CCZ1: variants seen among roughly 807,000 people sequenced by gnomAD.
The protein encoded by CCZ1 is vacuolar fusion protein CCZ1 homolog.
Under a neutral mutation model 57.8 loss-of-function variants are expected in CCZ1, and 19 were observed. The observed-to-expected ratio is 0.33, with a 90% CI of 0.23 to 0.48. The LOEUF is 0.48. Among genes scored for constraint, CCZ1 ranks in the 20% least tolerant of loss-of-function variants. The pLI, the probability that CCZ1 is intolerant of heterozygous loss-of-function variation, is 0.99. For missense variants in CCZ1, 200 were observed against 492.0 expected (o/e 0.41, Z 5.61); for synonymous variants, 81 against 167.0 (o/e 0.49, Z 3.97).
At chr7:5,908,457 C>G (rs1249203369) in intron 7 of CCZ1, among the ~76,000 whole-genome samples, 2 of 148,352 alleles carry the variant, frequency 1.3e-5, no homozygotes, top group African/African-American at 5.0e-5. Context: ...CAGCTCACTT[C>G]AACCTGCGCC....
intron 1 of CCZ1, among the ~76,000 whole-genome samples, chr7:5,899,328 G>C (rs1781622369): frequency 4.9e-5 from 1 of 20,572 alleles, no homozygotes; most frequent in Non-Finnish European, 9.5e-5. Context: ...TTAATTTCGG[G>C]AGGGGGGTGT....
At chr7:5,910,138 C>T (rs531770534) in intron 8 of CCZ1, 22 bp downstream of exon 8, 100 of 1,582,566 alleles carry the variant, frequency 6.3e-5, no homozygotes, top group Middle Eastern at 5.0e-4. Flanking sequence ...ACCATAGCTG[C>T]GCACAATTAC....
At position 5,905,343 on chromosome 7, in the gene CCZ1, C is replaced by A. The variant is rs558555860; in HGVS notation, c.698+74C>A. ...AAAACAGCAGTGACTGGATTGATGACAGGTTGTCAAACAGGAACTTGCAGC... is the reference window on the plus strand; with the variant it reads ...AAAACAGCAGTGACTGGATTGATGAAAGGTTGTCAAACAGGAACTTGCAGC... On this transcript the variant is annotated intron_variant, in intron 7 of 14. Transcript: ENST00000325974. 3.8e-4 allele frequency: 328 copies of A among 857,586 alleles called. 11 individuals carry two copies. In the African/African-American group the frequency reaches 5.7e-3, roughly 15 times the overall value. The allele number at this position is 857,586 out of a possible 1,614,324, so 53.1% of individuals were successfully genotyped here. A position where few individuals can be genotyped will look rare whatever the true frequency, so the allele number is the denominator to read the frequency against.
chr7:5,912,619 T>G (rs1583188181), intron 9 of CCZ1, among the ~76,000 whole-genome samples: 1 of 150,018 alleles, frequency 6.7e-6, no homozygotes, highest in African/African-American at 2.5e-5. Flanking sequence ...AGGCTGCCCT[T>G]GAACTCCTGA....
rs1781674652 is a variant in CCZ1, at chr7:5,901,017, C to G, written c.390+85C>G. 8 of 743,576 alleles carry G rather than the reference C, an allele frequency of 1.1e-5. No individual in the cohort carries two copies. The East Asian group carries it at 2.3e-4, about 22-fold the overall frequency. The allele number at this position is 743,576 out of a possible 1,614,324, so 46.1% of individuals were successfully genotyped here. A position where few individuals can be genotyped will look rare whatever the true frequency, so the allele number is the denominator to read the frequency against. On this transcript the variant is annotated intron_variant, in intron 4 of 14. Transcript: ENST00000325974. ...AATGCCTTACTTGGTCGGATTTAAA[C>G]TAGGAGGCTTTTGCAGAAGTTTCTC...
intron 12 of CCZ1, among the ~76,000 whole-genome samples, chr7:5,920,622 C>T (rs1404755747): frequency 7.2e-6 from 1 of 138,356 alleles, no homozygotes; most frequent in East Asian, 2.0e-4. Context: ...CAGGCGTGCA[C>T]CACCATGCCC....
Position 5,902,743 on chromosome 7 carries a change from G to A in CCZ1, c.521G>A (p.Arg174Gln), listed in dbSNP as rs767016439. The change falls in exon 6 of 15, where the codon CGG becomes CAG. Residue 174 changes from arginine to glutamine, a missense_variant and splice_region_variant. By Grantham distance (43) the Arg-to-Gln change is conservative (BLOSUM62 1). Transcript: ENST00000325974. The part of the protein sequence containing the change: ...LKERLEKFFH[R>Q]YLQTLHLQSC... Reference sequence around the variant, plus strand: ...GAAAGATTAGAGAAATTCTTCCATCGGGTAAGTATTTTGAATTTCATTTAT... The same window carrying A: ...GAAAGATTAGAGAAATTCTTCCATCAGGTAAGTATTTTGAATTTCATTTAT... The A allele has an allele frequency of 2.8e-5, 45 of 1,591,738 alleles. No homozygotes were observed. The highest frequency in any genetic ancestry group is 3.5e-5 in the Admixed American group (2 of 56,584).
At chr7:5,902,084 A>G (rs1370842373) in intron 5 of CCZ1, 1 of 220,046 alleles carries the variant, frequency 4.5e-6, no homozygotes, top group Non-Finnish European at 8.9e-6. Flanking sequence ...GCTTGAGCCC[A>G]GGAGTTCAGG....
chr7:5,915,067 C>T (rs1010678096), intron 10 of CCZ1, among the ~76,000 whole-genome samples: 2 of 147,492 alleles, frequency 1.4e-5, no homozygotes, highest in Non-Finnish European at 1.5e-5. Context: ...TGATAAGGCT[C>T]TTCAGGTCTG....
rs182231264 is a variant in CCZ1 at position 5,903,251 on chromosome 7, T to G, written c.522+507T>G. On this transcript the variant is annotated intron_variant, in intron 6 of 14. Coordinates refer to ENST00000325974, the MANE Select transcript of CCZ1 (RefSeq NM_015622.6). ...CTGTCCTCTTTCGTTGTAATTGAAT[T>G]TTGCATGTTTCACCCTACCTTGTCA... Among the ~76,000 whole-genome samples, 7 of 144,726 alleles carry G rather than the reference T, an allele frequency of 4.8e-5. 1 individual carries two copies. The highest frequency in any genetic ancestry group is 9.0e-5 in the Non-Finnish European group (6 of 66,768). 94.9% of individuals were successfully genotyped at this position (144,726 alleles called of 152,430 possible). A position where few individuals can be genotyped will look rare whatever the true frequency, so the allele number is the denominator to read the frequency against.
At position 5,901,498 on chromosome 7, in the gene CCZ1, AAAG is replaced by A. The variant is rs1311820286; in HGVS notation, c.391-156_391-154del. On this transcript the variant is annotated intron_variant, in intron 4 of 14. Coordinates refer to ENST00000325974, the MANE Select transcript of CCZ1 (RefSeq NM_015622.6). ...AGACTCCATCTCAAAAAAAAAAAAA[AAAG>A]AACGCAAACACTTTTTTTTCAGCAC... 5,207 of 1,251,730 alleles carry A rather than the reference AAAG, an allele frequency of 4.2e-3. 50 individuals are homozygous for A. Among genetic ancestry groups the A allele is most frequent in the Admixed American group, 6.2e-3 (198 of 31,980 alleles). The allele number at this position is 1,251,730 out of a possible 1,614,324, so 77.5% of individuals were successfully genotyped here. A position where few individuals can be genotyped will look rare whatever the true frequency, so the allele number is the denominator to read the frequency against.
intron 12 of CCZ1, 85 bp from the exon 13 acceptor site, chr7:5,923,302 A>AGCG: frequency 8.1e-6 from 1 of 123,460 alleles, no homozygotes; most frequent in South Asian, 4.6e-5. Context: ...GGGCGACAGT[A>AGCG]AGACTCCATC....
intron 14 of CCZ1, 144 bp downstream of exon 14, chr7:5,924,106 TTC>T: frequency 6.8e-6 from 3 of 438,730 alleles, no homozygotes; most frequent in Non-Finnish European, 8.3e-6. Flanking sequence ...TTGATCCATT[TTC>T]TGTTCCTTGG....
chr7:5,904,824 C>CT (rs1781766455), intron 6 of CCZ1, among the ~76,000 whole-genome samples: 1 of 148,032 alleles, frequency 6.8e-6, no homozygotes, highest in African/African-American at 2.5e-5. Context: ...GAGCAAGACT[C>CT]TGTCACAAAA....
At chr7:5,911,329 C>T (rs1214210840) in intron 8 of CCZ1, among the ~76,000 whole-genome samples, 1 of 148,962 alleles carries the variant, frequency 6.7e-6, no homozygotes, top group Non-Finnish European at 1.5e-5. Context: ...TCTTGTCCTC[C>T]TGCTTTCCAA....
chr7:5,908,069 C>T (rs1782925169), intron 7 of CCZ1, among the ~76,000 whole-genome samples: 1 of 141,852 alleles, frequency 7.0e-6, no homozygotes, highest in Admixed American at 6.9e-5. Context: ...GATAGCACCA[C>T]TGTACTCCAG....
chr7:5,910,880 C>T (rs1198176565), intron 8 of CCZ1, among the ~76,000 whole-genome samples: 1 of 147,020 alleles, frequency 6.8e-6, no homozygotes, highest in Non-Finnish European at 1.5e-5. Context: ...AGATTATAGG[C>T]ACCTGCCACC....
At position 5,901,732 on chromosome 7, in the gene CCZ1, G is replaced by T. The variant is rs1236124194; in HGVS notation, c.438+28G>T. The stretch of plus-strand genomic sequence containing the variant: ...AAGCGTGGCGTTCTTTCTCAACTCA[G>T]AGTCCAGCCACTTACCCCTATCTCT... On this transcript the variant is annotated intron_variant, in intron 5 of 14. Transcript: ENST00000325974. 34 of 1,597,716 alleles carry T rather than the reference G, an allele frequency of 2.1e-5. 1 individual carries two copies. The highest frequency in any genetic ancestry group is 2.8e-5 in the Non-Finnish European group (33 of 1,176,060).
intron 6 of CCZ1, among the ~76,000 whole-genome samples, chr7:5,903,671 C>G (rs1241356034): frequency 6.9e-6 from 1 of 144,974 alleles, no homozygotes; most frequent in East Asian, 2.3e-4. Flanking sequence ...GTCCTGAGTA[C>G]ATATCATTTA....
Sources: allele counts gnomAD v4.1 joint callset (sites outside exome capture counted in the v4.1 genomes callset), GRCh38; gene constraint gnomAD v4.1.1; transcripts MANE v1.5; gene names NCBI Gene and HGNC (gene_info 2026-07-23, HGNC 2026-07-21).